ISM1: variants seen among roughly 807,000 people sequenced by gnomAD.
ISM1 encodes the protein isthmin-1.
In ISM1, 25 loss-of-function variants were observed where a neutral mutation model predicts 46.3. That is an observed-to-expected ratio of 0.54 (90% CI 0.39 to 0.75). The LOEUF (loss-of-function observed/expected upper bound fraction) is 0.75. Among genes scored for constraint, ISM1 ranks in the 30% least tolerant of loss-of-function variants. The pLI is 0.00. For synonymous variants in ISM1, 255 were observed against 256.7 expected (o/e 0.99, Z 0.06); for missense variants, 536 against 625.4 (o/e 0.86, Z 1.52).
intron 5 of ISM1, among the ~76,000 whole-genome samples, chr20:13,293,981 A>G (rs1235082123): frequency 6.6e-6 from 1 of 152,106 alleles, no homozygotes; most frequent in East Asian, 1.9e-4. Flanking sequence ...TCTCAAAAAA[A>G]AAAGAAAGAA....
chr20:13,270,600 C>G lies in ISM1; in HGVS notation c.235C>G (p.Gln79Glu). 1 of 1,613,926 alleles carries G rather than the reference C, an allele frequency of 6.2e-7. No individual in the cohort carries two copies. ...GCATCTGGACCACCAGGCTGCACAC[C>G]AACCCTTCCCCAGACCGCGATTCCG... ...REHLDHQAAHQPFPRPRFRQE... is the reference protein window; with the variant it reads ...REHLDHQAAHEPFPRPRFRQE... The change falls in exon 2 of 6, where the codon CAA becomes GAA. Residue 79 changes from glutamine (Q) to glutamate (E), a missense_variant. Gln to Glu is a conservative substitution (Grantham distance 29). Coordinates refer to ENST00000262487, the MANE Select transcript of ISM1 (RefSeq NM_080826.2).
At chr20:13,300,933 C>T (rs546356062), downstream of ISM1, among the ~76,000 whole-genome samples, 3 of 152,308 alleles carry the variant, frequency 2.0e-5, no homozygotes, top group South Asian at 6.2e-4. Context: ...ATGAGCAGGG[C>T]CACTTCCACA....
At chr20:13,252,743 G>A (rs1158951228) in intron 1 of ISM1, among the ~76,000 whole-genome samples, 3 of 151,756 alleles carry the variant, frequency 2.0e-5, no homozygotes, top group African/African-American at 4.8e-5. Flanking sequence ...GCAACAGAGC[G>A]AGACTCTGTC....
At chr20:13,224,976 G>A (rs1244555915) in intron 1 of ISM1, among the ~76,000 whole-genome samples, 1 of 150,462 alleles carries the variant, frequency 6.6e-6, no homozygotes, top group Non-Finnish European at 1.5e-5. Context: ...CTCCCAAGTA[G>A]CTGGGACTAC....
chr20:13,221,911 G>A lies in ISM1; in HGVS notation c.135G>A (p.Leu45=), dbSNP rs960382734. The A allele has an allele frequency of 1.8e-5, 24 of 1,347,910 alleles. No homozygotes were observed. Among genetic ancestry groups the A allele is most frequent in the South Asian group, 1.3e-4 (7 of 53,290 alleles). 83.5% of individuals were successfully genotyped at this position (1,347,910 alleles called of 1,614,324 possible). A position where few individuals can be genotyped will look rare whatever the true frequency, so the allele number is the denominator to read the frequency against. The change falls in exon 1 of 6, where the codon CTG becomes CTA. Residue 45 remains leucine, a synonymous_variant. Coordinates refer to ENST00000262487, the MANE Select transcript of ISM1 (RefSeq NM_080826.2). The part of the protein sequence containing the change: ...AAAGNASQAQ[L]QNNLNVGSDT... ...CGGGCAACGCCAGCCAAGCCCAGCT[G>A]CAGGTGAGTGCGCCGCCGGAGAGGG...
At chr20:13,326,654 C>T in the ISM1 span, among the ~76,000 whole-genome samples, 3 of 152,246 alleles carry the variant, frequency 2.0e-5, no homozygotes, top group East Asian at 3.9e-4. Flanking sequence ...TTTCATAAAT[C>T]CTTTTTGATG....
the ISM1 span, among the ~76,000 whole-genome samples, chr20:13,319,622 A>T: frequency 1.3e-5 from 2 of 152,248 alleles, no homozygotes; most frequent in Non-Finnish European, 2.9e-5. Context: ...GTCAAAACAA[A>T]CAACAAAAAG....
chr20:13,270,386 A>ACTGG, intron 1 of ISM1, 118 bp from the exon 2 acceptor site: 1 of 1,164,840 alleles, frequency 8.6e-7, no homozygotes, highest in Non-Finnish European at 1.2e-6. Flanking sequence ...GGAATGCCCT[A>ACTGG]CTGGCTTAAT....
At chr20:13,273,408 T>C (rs922535129) in intron 2 of ISM1, among the ~76,000 whole-genome samples, 8 of 151,938 alleles carry the variant, frequency 5.3e-5, no homozygotes, top group Admixed American at 5.2e-4. Context: ...CTAATCTTTT[T>C]TATTTTTTGA....
intron 4 of ISM1, among the ~76,000 whole-genome samples, chr20:13,289,235 G>C (rs978447824): frequency 6.6e-6 from 1 of 152,218 alleles, no homozygotes; most frequent in African/African-American, 2.4e-5. Flanking sequence ...ACTCTGGTTA[G>C]ATTGGGTTTT....
chr20:13,293,357 AAT>A (rs2040374162), intron 5 of ISM1, among the ~76,000 whole-genome samples: 1 of 152,176 alleles, frequency 6.6e-6, no homozygotes, highest in Non-Finnish European at 1.5e-5. Flanking sequence ...ACTTTTTTGA[AAT>A]AGCTTTATGT....
rs79328286 is a variant in ISM1, at chr20:13,241,829, A to G, written c.138+19915A>G. On this transcript the variant is annotated intron_variant, in intron 1 of 5. Transcript: ENST00000262487. ...CAAGTTGGATGCTTTTATTGTTCCC[A>G]TCACCCACCTGCTTGGCTACTAACC... Among the ~76,000 whole-genome samples, 21 of 152,276 alleles carry G rather than the reference A, an allele frequency of 1.4e-4. No individual in the cohort carries two copies. The East Asian group carries it at 3.3e-3, about 24-fold the overall frequency.
At chr20:13,226,407 T>C (rs2039525632) in intron 1 of ISM1, among the ~76,000 whole-genome samples, 1 of 152,226 alleles carries the variant, frequency 6.6e-6, no homozygotes, top group Non-Finnish European at 1.5e-5. Flanking sequence ...TGATTACTTT[T>C]ACTGGAATTT....
chr20:13,301,042 G>A (rs538816), downstream of ISM1, among the ~76,000 whole-genome samples: 26,038 of 152,074 alleles, frequency 0.17, 2,615 homozygotes, highest in Middle Eastern at 0.28. Flanking sequence ...TAAAGACATT[G>A]GACCCATCTT....
chr20:13,294,556 G>GA (rs1446221042), intron 5 of ISM1, among the ~76,000 whole-genome samples: 1 of 152,194 alleles, frequency 6.6e-6, no homozygotes, highest in Non-Finnish European at 1.5e-5. Context: ...TGTGGCTAAG[G>GA]ACACCAGAGC....
downstream of ISM1, among the ~76,000 whole-genome samples, chr20:13,304,246 A>G (rs971989389): frequency 6.6e-5 from 10 of 152,176 alleles, no homozygotes; most frequent in African/African-American, 2.4e-4. Flanking sequence ...GGGGTCCAGG[A>G]AGCAGAGATG....
downstream of ISM1, among the ~76,000 whole-genome samples, chr20:13,303,758 G>A (rs370581781): frequency 6.6e-5 from 10 of 152,196 alleles, no homozygotes; most frequent in South Asian, 2.1e-4. Context: ...GGGATACAGC[G>A]GTGTACAAAT....
the ISM1 span, among the ~76,000 whole-genome samples, chr20:13,322,944 G>A: frequency 2.0e-5 from 3 of 152,102 alleles, no homozygotes; most frequent in East Asian, 1.9e-4. Context: ...AAAATCCTGG[G>A]TTAAAAAGAG....
intron 2 of ISM1, among the ~76,000 whole-genome samples, chr20:13,272,798 A>C (rs2040130717): frequency 1.3e-5 from 2 of 152,228 alleles, no homozygotes; most frequent in Non-Finnish European, 2.9e-5. Flanking sequence ...CTGACTTCAT[A>C]CCGTTGCTCA....
Sources: gnomAD v4.1 joint callset for allele counts (sites outside exome capture counted in the v4.1 genomes callset) on GRCh38, gnomAD v4.1.1 for gene constraint, MANE v1.5 for transcripts, NCBI Gene and HGNC (gene_info 2026-07-23, HGNC 2026-07-21) for gene names.